Variants in TBCD observed in about 807,000 individuals in gnomAD.
The protein encoded by TBCD is tubulin-specific chaperone D.
A neutral mutation model predicts 169.3 loss-of-function variants in TBCD; 105 were observed. That is an observed-to-expected ratio of 0.62 (90% confidence interval 0.53 to 0.73). TBCD has a LOEUF of 0.73. Among genes scored for constraint, TBCD ranks in the 30% least tolerant of loss-of-function variants. The probability of loss-of-function intolerance (pLI) is 0.00; values close to 1 mark genes in which losing one functional copy is unlikely to be tolerated. For synonymous variants in TBCD, 700 were observed against 643.9 expected (o/e 1.09, Z -1.32); for missense variants, 1,444 against 1,600.1 (o/e 0.90, Z 1.66).
chr17:82,916,256 TGAGACGGAGTCTCA>T (rs2061025143), intron 23 of TBCD, among the ~76,000 whole-genome samples: 1 of 152,204 alleles, frequency 6.6e-6, no homozygotes, highest in Non-Finnish European at 1.5e-5. Flanking sequence ...TTTTTTTTTT[TGAGACGGAGTCTCA>T]TTCACTCTTG....
Position 82,831,449 on chromosome 17 carries a change from G to T in TBCD, c.1318+16515G>T. On this transcript the variant is annotated intron_variant, in intron 13 of 38. Transcript: ENST00000355528. This position sits in a 1 kb window ranked among gnomAD's most constrained non-coding sequence, Gnocchi z 4.6. ...TCTCGGGTGAGGCCAGTGACAGGTG[G>T]GAGTCTGAGACCATAGGAGGAAAAT... The T allele has an allele frequency of 6.2e-7, 1 of 1,614,166 alleles. No homozygotes were observed. Among genetic ancestry groups the T allele is most frequent in the Non-Finnish European group, 8.5e-7 (1 of 1,180,016 alleles).
rs570605669 is a variant in TBCD, at chr17:82,835,980, C to T, written c.1318+21046C>T. Among the ~76,000 whole-genome samples, 1 of 152,256 alleles carries T rather than the reference C, an allele frequency of 6.6e-6. No individual in the cohort carries two copies. The highest frequency in any genetic ancestry group is 6.5e-5 in the Admixed American group (1 of 15,286). On this transcript the variant is annotated intron_variant, in intron 13 of 38. Transcript: ENST00000355528. This position sits in a 1 kb window ranked among gnomAD's most constrained non-coding sequence, Gnocchi z 4.5. ...GGTGACACCCTGGGCTCAGACCCCGCGCTCAGCACCCGTCTCCCACCGTGG... is the reference window on the plus strand; with the variant it reads ...GGTGACACCCTGGGCTCAGACCCCGTGCTCAGCACCCGTCTCCCACCGTGG...
intron 21 of TBCD, among the ~76,000 whole-genome samples, chr17:82,908,723 G>GCCAC (rs1404162126): frequency 6.6e-6 from 1 of 152,208 alleles, no homozygotes; most frequent in Admixed American, 6.5e-5. Context: ...AGCCATGAAC[G>GCCAC]TGGCCTCCCC....
At chr17:82,905,377 C>T (rs61005329) in intron 19 of TBCD, among the ~76,000 whole-genome samples, 4,482 of 152,378 alleles carry the variant, frequency 0.029, 228 homozygotes, top group African/African-American at 0.1. Flanking sequence ...CCCTTGGTGT[C>T]TCAGGGGCCA....
At chr17:82,805,469 T>C (rs1328752371) in intron 9 of TBCD, among the ~76,000 whole-genome samples, 1 of 152,162 alleles carries the variant, frequency 6.6e-6, no homozygotes, top group African/African-American at 2.4e-5. Flanking sequence ...CACCTGGTGA[T>C]GAAGGGGCGG....
chr17:82,896,793 T>G (rs993704464), intron 17 of TBCD, among the ~76,000 whole-genome samples: 3 of 152,132 alleles, frequency 2.0e-5, no homozygotes, highest in African/African-American at 4.8e-5. Flanking sequence ...GCCACATGGC[T>G]TTCGGCGTGA....
chr17:82,815,424 G>A (rs1371436246), intron 13 of TBCD, among the ~76,000 whole-genome samples: 2 of 152,208 alleles, frequency 1.3e-5, no homozygotes, highest in Non-Finnish European at 2.9e-5. Flanking sequence ...GGTGCTCCCT[G>A]GAGATGAGGC....
At chr17:82,783,559 T>G (rs1459668987) in intron 7 of TBCD, among the ~76,000 whole-genome samples, 1 of 152,326 alleles carries the variant, frequency 6.6e-6, no homozygotes, top group Non-Finnish European at 1.5e-5. Flanking sequence ...GCTGTCCCTG[T>G]GGACTTGCTG....
Position 82,857,237 on chromosome 17 carries a change from T to C in TBCD, c.1319-12987T>C, listed in dbSNP as rs1189451697. Among the ~76,000 whole-genome samples, 3 of 152,268 alleles carry C rather than the reference T, an allele frequency of 2.0e-5. 1 individual carries two copies. Among genetic ancestry groups the C allele is most frequent in the Admixed American group, 2.0e-4 (3 of 15,294 alleles). Reference sequence around the variant, plus strand: ...TGACACTGAGCATCTTTTCATGTGCTCCTTGGTTGTTTGTGTATTTCTCTG... The same window carrying C: ...TGACACTGAGCATCTTTTCATGTGCCCCTTGGTTGTTTGTGTATTTCTCTG... On this transcript the variant is annotated intron_variant, in intron 13 of 38. Coordinates refer to ENST00000355528, the MANE Select transcript of TBCD (RefSeq NM_005993.5).
At chr17:82,797,343 TTG>T (rs2050173265) in intron 7 of TBCD, among the ~76,000 whole-genome samples, 1 of 152,208 alleles carries the variant, frequency 6.6e-6, no homozygotes, top group East Asian at 1.9e-4. Context: ...ATGGAGGCCT[TTG>T]TGTGAGGTGG....
chr17:82,836,694 A>AC (rs1026839434), intron 13 of TBCD, among the ~76,000 whole-genome samples: 1,561 of 151,410 alleles, frequency 0.01, 21 homozygotes, highest in African/African-American at 0.036. Context: ...AGGCAAAAAA[A>AC]AAAACAAAAC....
chr17:82,839,350 C>T (rs2054262991), intron 13 of TBCD, among the ~76,000 whole-genome samples: 1 of 151,494 alleles, frequency 6.6e-6, no homozygotes. Context: ...ATACCACACA[C>T]ACATATATAT....
Position 82,766,344 on chromosome 17 carries a change from A to G in TBCD, c.411A>G (p.Thr137=), listed in dbSNP as rs369463852. The G allele has an allele frequency of 9.9e-6, 16 of 1,612,908 alleles. No individual in the cohort carries two copies. Among genetic ancestry groups the G allele is most frequent in the Non-Finnish European group, 1.2e-5 (14 of 1,179,466 alleles). Residue 137 remains threonine (T), a synonymous_variant, in exon 4 of 39, where the codon ACA becomes ACG. Transcript: ENST00000355528. ...TAGAGCCTGTTTTAGATTTGGTCAC[A>G]ATTCAGAATCCCAAGGACCATGAAG... ...ADVEPVLDLV[T]IQNPKDHEAW...
chr17:82,895,925 C>T (rs1158762271), intron 17 of TBCD: 3 of 152,182 alleles, frequency 2.0e-5, no homozygotes, highest in Non-Finnish European at 4.4e-5. Flanking sequence ...GCCCCACTCT[C>T]CTGTTCATCA....
intron 12 of TBCD, among the ~76,000 whole-genome samples, chr17:82,811,331 C>A (rs549819008): frequency 1.3e-5 from 2 of 152,380 alleles, no homozygotes; most frequent in South Asian, 4.1e-4. Flanking sequence ...GTGTCTTTCC[C>A]TCCACAACGT....
At chr17:82,938,427 G>A (rs1336997299) in intron 36 of TBCD, among the ~76,000 whole-genome samples, 1 of 152,178 alleles carries the variant, frequency 6.6e-6, no homozygotes, top group African/African-American at 2.4e-5. Context: ...AGGCTGAAGT[G>A]GTTCAGCCAC....
At position 82,930,572 on chromosome 17, in the gene TBCD, C is replaced by T. The variant is rs759206867; in HGVS notation, c.3042C>T (p.Ser1014=). 1.3e-5 allele frequency: 21 copies of T among 1,613,706 alleles called. No homozygotes were observed. Among genetic ancestry groups the T allele is most frequent in the African/African-American group, 9.3e-5 (7 of 74,892 alleles). ...TTGAGTACATGAAGGGCATTCAGAG[C>T]GACCCGCAGGCCCTGGGCAGCTTCA... is the stretch of plus-strand genomic sequence containing the variant. ...SLFEYMKGIQ[S]DPQALGSFSG... Residue 1014 remains serine (S), a synonymous_variant, in exon 33 of 39, where the codon AGC becomes AGT. Transcript: ENST00000355528. This position sits in a 1 kb window ranked among gnomAD's most constrained non-coding sequence, Gnocchi z 5.2.
At chr17:82,772,552 T>C (rs1226440181) in intron 6 of TBCD, 45 bp downstream of exon 6, 14 of 1,602,388 alleles carry the variant, frequency 8.7e-6, no homozygotes, top group Non-Finnish European at 1.1e-5. Flanking sequence ...TGGTGGGTTC[T>C]GAGAGGGGTT....
intron 6 of TBCD, among the ~76,000 whole-genome samples, chr17:82,778,172 T>C (rs547563264): frequency 1.2e-4 from 19 of 152,374 alleles, no homozygotes; most frequent in South Asian, 4.1e-4. Context: ...TATATAATCA[T>C]ATCTAAGATC....
Sources: allele counts gnomAD v4.1 joint callset (sites outside exome capture counted in the v4.1 genomes callset), GRCh38; gene constraint gnomAD v4.1.1; non-coding constraint Gnocchi (gnomAD v3.1); transcripts MANE v1.5; gene names NCBI Gene and HGNC (gene_info 2026-07-23, HGNC 2026-07-21).